MAGI1: variants seen among roughly 807,000 people sequenced by gnomAD.
MAGI1 encodes the protein membrane associated guanylate kinase, WW and PDZ domain containing 1, also known as membrane-associated guanylate kinase, WW and PDZ domain-containing protein 1.
Under a neutral mutation model 139.9 loss-of-function variants are expected in MAGI1, and 58 were observed. The ratio of observed to expected loss-of-function variants is 0.41; its 90% CI spans 0.34 to 0.52. The LOEUF is 0.52. MAGI1 is among the 20% of genes least tolerant of loss of function. The probability of loss-of-function intolerance (pLI) is 0.12; values close to 1 mark genes in which losing one functional copy is unlikely to be tolerated. For synonymous variants in MAGI1, 812 were observed against 737.9 expected (o/e 1.10, Z -1.63); for missense variants, 1,874 against 1,901.6 (o/e 0.99, Z 0.27).
Position 65,530,659 on chromosome 3 carries a change from GTGTATA to G in MAGI1, c.431-37034_431-37029del, listed in dbSNP as rs1222925458. 3.8e-3 allele frequency among the ~76,000 whole-genome samples: 312 copies of G among 81,184 alleles called. 13 individuals are homozygous for G. The highest frequency in any genetic ancestry group is 0.015 in the African/African-American group (298 of 20,260). The allele number at this position is 81,184 out of a possible 152,430, so 53.3% of individuals were successfully genotyped here. ...TGTGTGTGTGTGTGTGTGTGTGTGT[GTGTATA>G]TATATATACATATATATATACGTGT... is the stretch of plus-strand genomic sequence containing the variant. On this transcript the variant is annotated intron_variant, in intron 2 of 22. Coordinates refer to ENST00000402939, the MANE Select transcript of MAGI1 (RefSeq NM_001033057.2).
At chr3:65,840,885 T>C (rs1385140121) in intron 1 of MAGI1, among the ~76,000 whole-genome samples, 1 of 152,216 alleles carries the variant, frequency 6.6e-6, no homozygotes, top group Admixed American at 6.5e-5. Context: ...TTTTAGACAT[T>C]TGCTACAATT....
intron 1 of MAGI1, among the ~76,000 whole-genome samples, chr3:65,819,579 A>T (rs1318933631): frequency 6.6e-6 from 1 of 151,568 alleles, no homozygotes; most frequent in Non-Finnish European, 1.5e-5. Context: ...GCATTAAGGC[A>T]AAAAAAAGTA....
At chr3:65,829,031 C>G (rs139563241) in intron 1 of MAGI1, among the ~76,000 whole-genome samples, 1 of 152,164 alleles carries the variant, frequency 6.6e-6, no homozygotes, top group Non-Finnish European at 1.5e-5. Flanking sequence ...ACCCAAAAAA[C>G]CAAGGAAAAC....
At chr3:65,544,784 G>T (rs2079419606) in intron 2 of MAGI1, among the ~76,000 whole-genome samples, 1 of 152,148 alleles carries the variant, frequency 6.6e-6, no homozygotes, top group African/African-American at 2.4e-5. Context: ...GAATAGCAAA[G>T]AATATATAAG....
intron 2 of MAGI1, among the ~76,000 whole-genome samples, chr3:65,602,260 T>C (rs546539135): frequency 1.3e-5 from 2 of 152,330 alleles, no homozygotes; most frequent in East Asian, 3.9e-4. Flanking sequence ...ATGAATGTTA[T>C]AGCAGCATTA....
intron 12 of MAGI1, among the ~76,000 whole-genome samples, chr3:65,418,428 A>G (rs1296097392): frequency 6.6e-6 from 1 of 152,236 alleles, no homozygotes; most frequent in South Asian, 2.1e-4. Flanking sequence ...AAAGCCTCAA[A>G]TAAATAGAAA....
chr3:65,506,695 A>C (rs1337557668), intron 2 of MAGI1, among the ~76,000 whole-genome samples: 1 of 152,160 alleles, frequency 6.6e-6, no homozygotes, highest in Non-Finnish European at 1.5e-5. Flanking sequence ...ATAATGTCTA[A>C]ATTTGAGGAT....
chr3:65,553,235 A>G, intron 2 of MAGI1, among the ~76,000 whole-genome samples: 1 of 152,062 alleles, frequency 6.6e-6, no homozygotes, highest in African/African-American at 2.4e-5. Flanking sequence ...ATTAAGTCAT[A>G]CATTTGGAGT....
intron 1 of MAGI1, among the ~76,000 whole-genome samples, chr3:65,816,736 C>T (rs1359698855): frequency 6.6e-6 from 1 of 152,040 alleles, no homozygotes; most frequent in Non-Finnish European, 1.5e-5. Flanking sequence ...TGTTAATTTG[C>T]TCCCTATAAT....
At chr3:66,003,515 T>C (rs891490634) in intron 1 of MAGI1, among the ~76,000 whole-genome samples, 1 of 152,010 alleles carries the variant, frequency 6.6e-6, no homozygotes, top group African/African-American at 2.4e-5. Context: ...TGGAATGCAA[T>C]GGTGTGATCT....
intron 1 of MAGI1, 149 bp downstream of exon 1, chr3:66,037,847 T>G (rs2069025659): frequency 7.3e-7 from 1 of 1,367,222 alleles, no homozygotes; most frequent in Non-Finnish European, 9.9e-7. Flanking sequence ...CGCAACAACT[T>G]TGTGTATTTC....
At chr3:65,894,162 T>C (rs924021) in intron 1 of MAGI1, among the ~76,000 whole-genome samples, 13,301 of 152,142 alleles carry the variant, frequency 0.087, 644 homozygotes, top group Middle Eastern at 0.13. Context: ...GGAAAGAATC[T>C]CAAAGTTGTA....
chr3:65,962,987 C>T (rs1311394686), intron 1 of MAGI1, among the ~76,000 whole-genome samples: 1 of 144,604 alleles, frequency 6.9e-6, no homozygotes, highest in Non-Finnish European at 1.5e-5. Flanking sequence ...TTTTTAAACA[C>T]TGCATATAAA....
chr3:65,906,374 AG>A, intron 1 of MAGI1, among the ~76,000 whole-genome samples: 1 of 152,240 alleles, frequency 6.6e-6, no homozygotes, highest in South Asian at 2.1e-4. Flanking sequence ...CCAGTCTGAA[AG>A]GGCAGCATGT....
chr3:65,895,705 C>T (rs541802215), intron 1 of MAGI1, among the ~76,000 whole-genome samples: 5 of 152,236 alleles, frequency 3.3e-5, no homozygotes, highest in Admixed American at 2.0e-4. Context: ...TGATGAAGCC[C>T]CATCCAAACT....
intron 1 of MAGI1, among the ~76,000 whole-genome samples, chr3:65,916,129 C>T (rs961377921): frequency 5.9e-5 from 9 of 151,714 alleles, no homozygotes; most frequent in Non-Finnish European, 1.0e-4. Context: ...CGCAGTGGCA[C>T]ATTTTCAGCT....
intron 1 of MAGI1, among the ~76,000 whole-genome samples, chr3:65,784,191 T>C (rs985127122): frequency 1.3e-5 from 2 of 152,018 alleles, no homozygotes; most frequent in Non-Finnish European, 2.9e-5. Context: ...TCATTGCTGG[T>C]AGGAATGCAA....
intron 1 of MAGI1, among the ~76,000 whole-genome samples, chr3:65,895,554 T>A (rs533786917): frequency 8.5e-4 from 129 of 152,316 alleles, no homozygotes; most frequent in African/African-American, 2.8e-3. Context: ...TCTTTCCAAA[T>A]CCCTACAAAG....
intron 5 of MAGI1, among the ~76,000 whole-genome samples, chr3:65,464,596 T>C (rs1336642593): frequency 1.3e-5 from 2 of 152,300 alleles, no homozygotes; most frequent in East Asian, 3.9e-4. Context: ...TCTTGCTTCT[T>C]TCGATTAACA....
Sources: allele counts gnomAD v4.1 joint callset (sites outside exome capture counted in the v4.1 genomes callset), GRCh38; gene constraint gnomAD v4.1.1; transcripts MANE v1.5; gene names NCBI Gene and HGNC (gene_info 2026-07-23, HGNC 2026-07-21).